Variants in NFIB observed in about 807,000 individuals in gnomAD.
NFIB encodes the protein nuclear factor I B.
NFIB carries 11 observed loss-of-function variants against 61.5 expected under a neutral mutation model. The observed-to-expected ratio is 0.18, with a 90% CI of 0.11 to 0.30. The LOEUF (loss-of-function observed/expected upper bound fraction) is 0.30. Among genes scored for constraint, NFIB ranks in the 10% least tolerant of loss-of-function variants. NFIB has a pLI of 1.00. For missense variants in NFIB, 471 were observed against 608.9 expected (o/e 0.77, Z 2.38); for synonymous variants, 260 against 216.5 (o/e 1.20, Z -1.76).
chr9:14,529,983 G>A, the NFIB span, among the ~76,000 whole-genome samples: 4 of 152,292 alleles, frequency 2.6e-5, no homozygotes, highest in East Asian at 5.8e-4. Context: ...TACAGAAGTA[G>A]AATGGTGAAA....
intron 3 of NFIB, among the ~76,000 whole-genome samples, chr9:14,156,234 C>T (rs781432520): frequency 6.6e-6 from 1 of 151,872 alleles, no homozygotes; most frequent in South Asian, 2.1e-4. Flanking sequence ...TAGACTAAAG[C>T]GAAAAATGAA....
chr9:14,397,631 A>G (rs886388678), intron 1 of NFIB, among the ~76,000 whole-genome samples: 1 of 152,202 alleles, frequency 6.6e-6, no homozygotes, highest in African/African-American at 2.4e-5. Context: ...ATTCAAGACC[A>G]TATGAAGTCA....
chr9:14,337,985 T>G (rs2060904016), intron 1 of NFIB, among the ~76,000 whole-genome samples: 1 of 152,230 alleles, frequency 6.6e-6, no homozygotes, highest in Admixed American at 6.5e-5. Context: ...TACTGGCCAC[T>G]TTCCCTTTGT....
intron 6 of NFIB, among the ~76,000 whole-genome samples, chr9:14,134,485 C>T (rs924865879): frequency 1.3e-5 from 2 of 152,108 alleles, no homozygotes; most frequent in Non-Finnish European, 2.9e-5. Context: ...CAGTGATGTT[C>T]ACTGTATCTC....
the NFIB span, among the ~76,000 whole-genome samples, chr9:14,413,158 G>A: frequency 1.3e-5 from 2 of 152,154 alleles, no homozygotes; most frequent in Non-Finnish European, 2.9e-5. Context: ...GGAGCACAAA[G>A]CCTCCAGATC....
rs561967984 is a variant in NFIB, at chr9:14,117,140, A to C, written c.1246-794T>G. The stretch of plus-strand genomic sequence containing the variant: ...CTGAGGGGAAGCAGAGGACAAGCAA[A>C]TGAGCATTGTTATTTGAGTTACTCT... On this transcript the variant is annotated intron_variant, in intron 8 of 10. Transcript: ENST00000380953. Among the ~76,000 whole-genome samples the C allele has an allele frequency of 7.2e-5, 11 of 152,356 alleles. No individual in the cohort carries two copies. In the Middle Eastern group the frequency reaches 0.01, roughly 141 times the overall value.
the NFIB span, among the ~76,000 whole-genome samples, chr9:14,448,671 CTTTTA>C: frequency 6.6e-6 from 1 of 152,098 alleles, no homozygotes; most frequent in South Asian, 2.1e-4. Context: ...AAGGGTAGGA[CTTTTA>C]TTTTCTCTTG....
chr9:14,520,164 C>G, the NFIB span, among the ~76,000 whole-genome samples: 1 of 151,974 alleles, frequency 6.6e-6, no homozygotes, highest in African/African-American at 2.4e-5. Context: ...AAAAAAATAA[C>G]TCTTTAGGAA....
At chr9:14,321,816 G>A in intron 1 of NFIB, 1 of 1,110,446 alleles carries the variant, frequency 9.0e-7, no homozygotes, top group Non-Finnish European at 1.1e-6. Flanking sequence ...TGACATTTAG[G>A]AAAGGGGTAA....
the NFIB span, among the ~76,000 whole-genome samples, chr9:14,516,051 G>A: frequency 0.059 from 9,036 of 152,262 alleles, 297 homozygotes; most frequent in Non-Finnish European, 0.066. Flanking sequence ...CACCTGCTCC[G>A]AGCCCTCAGG....
intron 2 of NFIB, among the ~76,000 whole-genome samples, chr9:14,208,709 C>G (rs2050007533): frequency 6.6e-6 from 1 of 152,042 alleles, no homozygotes; most frequent in African/African-American, 2.4e-5. Context: ...TGGGATTATT[C>G]TCATAAACTG....
At chr9:14,154,028 A>G (rs942797989) in intron 4 of NFIB, among the ~76,000 whole-genome samples, 2 of 152,178 alleles carry the variant, frequency 1.3e-5, no homozygotes, top group Non-Finnish European at 2.9e-5. Context: ...AGTTTCTAGG[A>G]TATGACATTA....
At chr9:14,426,629 CTCA>C in the NFIB span, among the ~76,000 whole-genome samples, 2 of 152,208 alleles carry the variant, frequency 1.3e-5, no homozygotes, top group Non-Finnish European at 2.9e-5. Flanking sequence ...TCCCAACCAG[CTCA>C]TCAAGCCTAC....
intron 2 of NFIB, among the ~76,000 whole-genome samples, chr9:14,281,383 G>C (rs2058361178): frequency 6.6e-6 from 1 of 152,084 alleles, no homozygotes; most frequent in African/African-American, 2.4e-5. Context: ...AGAGTGGAGA[G>C]ACACGTAACT....
chr9:14,505,631 G>A, the NFIB span, among the ~76,000 whole-genome samples: 5 of 152,132 alleles, frequency 3.3e-5, no homozygotes, highest in African/African-American at 1.2e-4. Flanking sequence ...TGTAGAATTT[G>A]CAATTCTGCT....
chr9:14,514,223 T>A, the NFIB span, among the ~76,000 whole-genome samples: 1 of 152,158 alleles, frequency 6.6e-6, no homozygotes, highest in Non-Finnish European at 1.5e-5. Flanking sequence ...TGATATATGT[T>A]GATCTGTTCT....
chr9:14,351,182 T>C (rs1264946707), intron 1 of NFIB, among the ~76,000 whole-genome samples: 1 of 152,198 alleles, frequency 6.6e-6, no homozygotes, highest in Non-Finnish European at 1.5e-5. Flanking sequence ...TATGGTCCAG[T>C]CTCCCCACTT....
rs530915438 is a variant in NFIB, at chr9:14,281,136, G to A, written c.562+25853C>T. Among the ~76,000 whole-genome samples, 6 of 152,266 alleles carry A rather than the reference G, an allele frequency of 3.9e-5. No homozygotes were observed. The South Asian group carries it at 1.0e-3, about 26-fold the overall frequency. ...TATTGTGGTTGCTAACTTGAACCAT[G>A]CCAATGAACATTCAAAAGATTAATC... On this transcript the variant is annotated intron_variant, in intron 2 of 10. Coordinates refer to ENST00000380953, the MANE Select transcript of NFIB (RefSeq NM_001190737.2).
the NFIB span, among the ~76,000 whole-genome samples, chr9:14,414,823 A>G: frequency 6.6e-6 from 1 of 152,200 alleles, no homozygotes; most frequent in Non-Finnish European, 1.5e-5. Flanking sequence ...TATTTTATTG[A>G]GCCTGACACT....
Sources: allele counts gnomAD v4.1 joint callset (sites outside exome capture counted in the v4.1 genomes callset), GRCh38; gene constraint gnomAD v4.1.1; transcripts MANE v1.5; gene names NCBI Gene and HGNC (gene_info 2026-07-23, HGNC 2026-07-21).